The following KDM3B variants were observed in gnomAD, a reference collection of about 807,000 sequenced individuals.
The protein encoded by KDM3B is lysine demethylase 3B, also known as lysine-specific demethylase 3B.
KDM3B carries 10 observed loss-of-function variants against 170.0 expected under a neutral mutation model. The ratio of observed to expected loss-of-function variants is 0.06; its 90% confidence interval spans 0.04 to 0.10. The LOEUF (loss-of-function observed/expected upper bound fraction) is 0.10. Ranked by LOEUF, KDM3B falls within the 10% of genes least tolerant of loss-of-function variation. The probability of loss-of-function intolerance (pLI) is 1.00; values close to 1 mark genes in which losing one functional copy is unlikely to be tolerated. For missense variants in KDM3B, 1,394 were observed against 2,195.2 expected, an observed-to-expected ratio of 0.64 and a Z score of 7.29; for synonymous variants, 831 against 834.8, an observed-to-expected ratio of 1.00 and a Z score of 0.08.
chr5:138,368,071 A>T (rs913841775), intron 1 of KDM3B, among the ~76,000 whole-genome samples: 1 of 151,628 alleles, frequency 6.6e-6, no homozygotes, highest in Admixed American at 6.6e-5. Context: ...CCCTACTAAG[A>T]TTATCAACCT....
chr5:138,359,626 G>A (rs565401676), intron 1 of KDM3B, among the ~76,000 whole-genome samples: 3 of 152,110 alleles, frequency 2.0e-5, no homozygotes, highest in African/African-American at 4.8e-5. Flanking sequence ...TTTGTAATTG[G>A]CAAGTGAGAT....
At chr5:138,381,270 CAT>C (rs1050058600) in intron 5 of KDM3B, among the ~76,000 whole-genome samples, 1 of 152,194 alleles carries the variant, frequency 6.6e-6, no homozygotes, top group Non-Finnish European at 1.5e-5. Context: ...TCAGAATTAA[CAT>C]CGCTAAAAGA....
intron 1 of KDM3B, among the ~76,000 whole-genome samples, chr5:138,359,803 G>A (rs1761552255): frequency 6.6e-6 from 1 of 152,136 alleles, no homozygotes; most frequent in South Asian, 2.1e-4. Context: ...GAAGTTACCA[G>A]AGAAGTGAAA....
At chr5:138,431,148 A>T (rs1203783764) in intron 22 of KDM3B, among the ~76,000 whole-genome samples, 1 of 151,462 alleles carries the variant, frequency 6.6e-6, no homozygotes, top group African/African-American at 2.4e-5. Flanking sequence ...GGGTTTCGCC[A>T]TATCACCGTA....
chr5:138,427,852 C>A, intron 19 of KDM3B, 115 bp from the exon 20 acceptor site: 1 of 920,358 alleles, frequency 1.1e-6, no homozygotes, highest in Non-Finnish European at 1.7e-6. Flanking sequence ...ATAGACTTCA[C>A]TCTCCTAATT....
At chr5:138,384,486 C>A (rs760467170) in intron 6 of KDM3B, among the ~76,000 whole-genome samples, 3 of 151,920 alleles carry the variant, frequency 2.0e-5, no homozygotes, top group African/African-American at 7.3e-5. Context: ...ACTTGTAATT[C>A]CAGCACTTTG....
chr5:138,402,404 C>G (rs925993517), intron 11 of KDM3B, among the ~76,000 whole-genome samples: 8 of 152,110 alleles, frequency 5.3e-5, no homozygotes, highest in Non-Finnish European at 1.2e-4. Flanking sequence ...GATGTGGCAC[C>G]TATTTCTACC....
intron 1 of KDM3B, 87 bp downstream of exon 1, chr5:138,353,074 G>A: frequency 1.0e-6 from 1 of 1,001,466 alleles, no homozygotes; most frequent in Non-Finnish European, 1.3e-6. Context: ...GGGGGCGGTG[G>A]GATGGGGGTG....
chr5:138,367,948 G>C (rs560491625), intron 1 of KDM3B, among the ~76,000 whole-genome samples: 2 of 152,040 alleles, frequency 1.3e-5, no homozygotes, highest in East Asian at 3.9e-4. Flanking sequence ...GGGAGGTGGA[G>C]GTTGCAGTGA....
In KDM3B at chr5:138,352,685, G is replaced by C. The variant is rs1580866016; in HGVS notation, c.-111G>C. On this transcript the variant is annotated 5_prime_UTR_variant, in exon 1 of 24. Coordinates refer to ENST00000314358, the MANE Select transcript of KDM3B (RefSeq NM_016604.4). Reference sequence around the variant, plus strand: ...GGTGGCTGTTGGGGGGGGTGGGGGGGAACGGCGGCCGCGGGTGGTGCGGAG... The same window carrying C: ...GGTGGCTGTTGGGGGGGGTGGGGGGCAACGGCGGCCGCGGGTGGTGCGGAG... The C allele has an allele frequency of 1.3e-6, 1 of 771,008 alleles. No individual in the cohort carries two copies. The highest frequency in any genetic ancestry group is 1.6e-6 in the Non-Finnish European group (1 of 620,508). 47.8% of individuals were successfully genotyped at this position (771,008 alleles called of 1,614,324 possible).
intron 14 of KDM3B, among the ~76,000 whole-genome samples, chr5:138,420,157 G>C (rs1166633887): frequency 6.6e-6 from 1 of 152,176 alleles, no homozygotes; most frequent in African/African-American, 2.4e-5. Flanking sequence ...CAAAGTGCTG[G>C]GATTATAGGC....
In KDM3B at chr5:138,391,866, C is replaced by T. The variant is rs760637751; in HGVS notation, c.2234C>T (p.Pro745Leu). 7 of 1,614,112 alleles carry T rather than the reference C, an allele frequency of 4.3e-6. No individual in the cohort carries two copies. The highest frequency in any genetic ancestry group is 5.9e-6 in the Non-Finnish European group (7 of 1,180,006). Reference protein sequence around the residue: ...PIEMPTLSSSPTEERPTVGPG... With the variant: ...PIEMPTLSSSLTEERPTVGPG... ...GAGATGCCAACTCTCTCCTCTAGCC[C>T]CACAGAGGAGAGGCCAACTGTGGGG... Residue 745 changes from proline to leucine, a missense_variant, in exon 8 of 24, where the codon CCC becomes CTC. Pro to Leu is a moderately conservative substitution (Grantham distance 98). Transcript: ENST00000314358. This position sits in a 1 kb window ranked among gnomAD's most constrained non-coding sequence, Gnocchi z 5.0.
chr5:138,418,075 G>GTTTTTTTTTTTTTTTTTTTTTTTTT (rs34275336), intron 13 of KDM3B: 1 of 96,798 alleles, frequency 1.0e-5, no homozygotes, highest in Admixed American at 1.4e-4. Context: ...TTTGGTTTTG[G>GTTTTTTTTTTTTTTTTTTTTTTTTT]TTTTTTTTTT....
intron 9 of KDM3B, among the ~76,000 whole-genome samples, chr5:138,397,158 C>T (rs1258299511): frequency 3.3e-5 from 5 of 151,792 alleles, no homozygotes; most frequent in African/African-American, 4.8e-5. Context: ...GGTAAAACCC[C>T]GTCTCTACTA....
intron 15 of KDM3B, among the ~76,000 whole-genome samples, chr5:138,422,871 T>C (rs1439045512): frequency 1.3e-5 from 2 of 152,226 alleles, no homozygotes; most frequent in Non-Finnish European, 2.9e-5. Flanking sequence ...TTATGACTAA[T>C]GGCTGAAACG....
chr5:138,392,912 G>T (rs995241787), intron 8 of KDM3B, among the ~76,000 whole-genome samples: 3 of 152,178 alleles, frequency 2.0e-5, no homozygotes, highest in Non-Finnish European at 4.4e-5. Flanking sequence ...GGCTTCTTAT[G>T]TTTTTCACAT....
intron 1 of KDM3B, among the ~76,000 whole-genome samples, chr5:138,367,527 C>T (rs1009790425): frequency 6.6e-6 from 1 of 152,016 alleles, no homozygotes; most frequent in African/African-American, 2.4e-5. Context: ...CACATGTAGA[C>T]CACAAAGAGA....
Position 138,427,238 on chromosome 5 carries a change from G to A in KDM3B, c.4552G>A (p.Asp1518Asn). ...NLPLPEYTKR[D>N]GRLNLASRLP... The stretch of plus-strand genomic sequence containing the variant: ...TCCTCTGCCAGAATATACCAAACGA[G>A]ATGGCAGGCTCAATCTGGCCTCTAG... The change falls in exon 19 of 24, where the codon GAT becomes AAT. Residue 1518 changes from aspartate to asparagine, a missense_variant. Around this residue, in one of 19 missense-constraint regions of KDM3B, gnomAD observed 66 missense variants for 178.8 expected, o/e 0.37. Transcript: ENST00000314358. 1 of 1,614,102 alleles carries A rather than the reference G, an allele frequency of 6.2e-7. No homozygotes were observed. The highest frequency in any genetic ancestry group is 1.7e-5 in the Admixed American group (1 of 60,020).
At chr5:138,353,289 G>A (rs1761375224) in intron 1 of KDM3B, among the ~76,000 whole-genome samples, 1 of 152,210 alleles carries the variant, frequency 6.6e-6, no homozygotes. Flanking sequence ...ACACGCCTTC[G>A]GAGCAGGCTC....
Sources: allele counts gnomAD v4.1 joint callset (sites outside exome capture counted in the v4.1 genomes callset), GRCh38; gene constraint gnomAD v4.1.1; regional missense constraint gnomAD v4.1.1; non-coding constraint Gnocchi (gnomAD v3.1); transcripts MANE v1.5; gene names NCBI Gene and HGNC (gene_info 2026-07-23, HGNC 2026-07-21).